Variants in FOXP2 observed in about 807,000 individuals in gnomAD.
FOXP2 encodes forkhead box protein P2.
Under a neutral mutation model 115.8 loss-of-function variants are expected in FOXP2, and 12 were observed. That is an observed-to-expected ratio of 0.10 (90% CI 0.07 to 0.17). FOXP2 has a LOEUF of 0.17. Among genes scored for constraint, FOXP2 ranks in the 10% least tolerant of loss-of-function variants. FOXP2 has a pLI of 1.00. For missense variants in FOXP2, 629 were observed against 843.5 expected (o/e 0.75, Z 3.15); for synonymous variants, 328 against 297.7 (o/e 1.10, Z -1.05).
intron 2 of FOXP2, among the ~76,000 whole-genome samples, chr7:114,524,948 T>C (rs1265193679): frequency 2.6e-5 from 4 of 152,188 alleles, no homozygotes; most frequent in Non-Finnish European, 4.4e-5. Context: ...TGAAATTATA[T>C]ATCCCTTCCC....
chr7:114,590,527 T>C (rs1023263865), intron 3 of FOXP2, among the ~76,000 whole-genome samples: 5 of 152,134 alleles, frequency 3.3e-5, no homozygotes, highest in African/African-American at 1.2e-4. Flanking sequence ...CCAAGTCTGC[T>C]CCTAGGGGAA....
rs969198856 is a variant in FOXP2, at chr7:114,666,387, A to G, written c.2003+1951A>G. ...TGCTGCTGTCATTAGGTTTTTGCATAATAGATGTCAAATATTTATGAAATA... is the reference window on the plus strand; with the variant it reads ...TGCTGCTGTCATTAGGTTTTTGCATGATAGATGTCAAATATTTATGAAATA... On this transcript the variant is annotated intron_variant, in intron 16 of 16. Transcript: ENST00000350908. 7.9e-5 allele frequency: 12 copies of G among 152,178 alleles called. No individual in the cohort carries two copies. The East Asian group carries it at 1.7e-3, about 22-fold the overall frequency. 9.4% of individuals were successfully genotyped at this position (152,178 alleles called of 1,614,324 possible). A position where few individuals can be genotyped will look rare whatever the true frequency, so the allele number is the denominator to read the frequency against.
chr7:114,574,947 A>G (rs1801500250), intron 3 of FOXP2, among the ~76,000 whole-genome samples: 1 of 151,882 alleles, frequency 6.6e-6, no homozygotes, highest in African/African-American at 2.4e-5. Context: ...TTCTCCCTAC[A>G]GGTCTTTACT....
chr7:114,180,427 C>A (rs1263197482), intron 1 of FOXP2, among the ~76,000 whole-genome samples: 1 of 151,890 alleles, frequency 6.6e-6, no homozygotes, highest in Non-Finnish European at 1.5e-5. Flanking sequence ...ACTCCCAAAG[C>A]CTTAACTACC....
chr7:114,115,039 T>C (rs1244243621), intron 1 of FOXP2, among the ~76,000 whole-genome samples: 2 of 152,226 alleles, frequency 1.3e-5, no homozygotes, highest in East Asian at 3.9e-4. Context: ...GGCTACTAAG[T>C]GTCAATTTAA....
At chr7:114,635,521 T>C (rs1805171404) in intron 6 of FOXP2, among the ~76,000 whole-genome samples, 1 of 152,176 alleles carries the variant, frequency 6.6e-6, no homozygotes, top group Admixed American at 6.6e-5. Flanking sequence ...GGTATAAAAC[T>C]CTGCCAAGCT....
chr7:114,433,671 A>G (rs1298246839), intron 2 of FOXP2, among the ~76,000 whole-genome samples: 1 of 152,024 alleles, frequency 6.6e-6, no homozygotes, highest in African/African-American at 2.4e-5. Flanking sequence ...AATTTCAACT[A>G]AAGTAGCTAA....
intron 2 of FOXP2, among the ~76,000 whole-genome samples, chr7:114,514,398 A>G (rs1341079265): frequency 1.3e-5 from 2 of 151,992 alleles, no homozygotes; most frequent in Non-Finnish European, 2.9e-5. Context: ...ATGTCCTTTG[A>G]CCAACATCTC....
chr7:114,441,895 T>G (rs1467352808), intron 2 of FOXP2, among the ~76,000 whole-genome samples: 1 of 152,192 alleles, frequency 6.6e-6, no homozygotes, highest in Non-Finnish European at 1.5e-5. Context: ...ACAGGAACTC[T>G]CATTAGTTTT....
At chr7:114,386,803 T>C (rs1182457709) in intron 2 of FOXP2, among the ~76,000 whole-genome samples, 3 of 152,244 alleles carry the variant, frequency 2.0e-5, no homozygotes, top group Admixed American at 2.0e-4. Flanking sequence ...CTTGCTATTG[T>C]AATTATTCAA....
intron 2 of FOXP2, among the ~76,000 whole-genome samples, chr7:114,388,330 T>A (rs1430389952): frequency 2.0e-5 from 3 of 151,526 alleles, no homozygotes; most frequent in Admixed American, 6.6e-5. Flanking sequence ...AAAAAAAAAA[T>A]GGTCTAAAAT....
intron 1 of FOXP2, chr7:114,419,840 C>A (rs1420754491): frequency 6.6e-6 from 1 of 151,838 alleles, no homozygotes; most frequent in Non-Finnish European, 1.5e-5. Context: ...CTTACCATTG[C>A]ATCCACCTGC....
intron 3 of FOXP2, among the ~76,000 whole-genome samples, chr7:114,556,157 T>A (rs904589837): frequency 3.9e-5 from 6 of 152,180 alleles, no homozygotes; most frequent in Non-Finnish European, 8.8e-5. Flanking sequence ...AGTTTTAGTT[T>A]TTAAATCACT....
At chr7:114,592,047 A>T (rs889365012) in intron 3 of FOXP2, among the ~76,000 whole-genome samples, 27 of 152,106 alleles carry the variant, frequency 1.8e-4, no homozygotes, top group Admixed American at 1.1e-3. Context: ...GAAATACCTG[A>T]CGCACTATTT....
chr7:114,357,599 G>C (rs1410253332), intron 2 of FOXP2, among the ~76,000 whole-genome samples: 1 of 152,106 alleles, frequency 6.6e-6, no homozygotes, highest in East Asian at 1.9e-4. Context: ...AGGAGAGAAA[G>C]CTTTCCCAGA....
chr7:114,274,276 T>TGGGG (rs1198417170), intron 1 of FOXP2, among the ~76,000 whole-genome samples: 2 of 152,156 alleles, frequency 1.3e-5, no homozygotes, highest in Non-Finnish European at 2.9e-5. Context: ...TGCATAAGCA[T>TGGGG]ATATACACAT....
At chr7:114,115,637 T>G (rs1327028506) in intron 1 of FOXP2, among the ~76,000 whole-genome samples, 1 of 152,128 alleles carries the variant, frequency 6.6e-6, no homozygotes, top group Admixed American at 6.6e-5. Flanking sequence ...TCATCTCAAT[T>G]CAGATGCAGC....
intron 2 of FOXP2, among the ~76,000 whole-genome samples, chr7:114,495,877 A>C (rs1797300099): frequency 6.6e-6 from 1 of 152,140 alleles, no homozygotes; most frequent in African/African-American, 2.4e-5. Context: ...CTTGGAGATA[A>C]ATTCTGTATT....
At position 114,433,189 on chromosome 7, in the gene FOXP2, T is replaced by C. The variant is rs1016706315; in HGVS notation, c.168+6510T>C. Among the ~76,000 whole-genome samples, 7 of 152,130 alleles carry C rather than the reference T, an allele frequency of 4.6e-5. No individual in the cohort carries two copies. The East Asian group carries it at 9.7e-4, about 21-fold the overall frequency. ...ATATGAAAAATTGTAACTGCTCTTA[T>C]TGAGCATTTGTGTCCTAGTCCATTT... is the stretch of plus-strand genomic sequence containing the variant. On this transcript the variant is annotated intron_variant, in intron 2 of 16. Transcript: ENST00000350908.
Sources: allele counts gnomAD v4.1 joint callset (sites outside exome capture counted in the v4.1 genomes callset), GRCh38; gene constraint gnomAD v4.1.1; transcripts MANE v1.5; gene names NCBI Gene and HGNC (gene_info 2026-07-23, HGNC 2026-07-21).